The following IQSEC1 variants were observed in gnomAD, a reference collection of about 807,000 sequenced individuals.
IQSEC1 encodes IQ motif and SEC7 domain-containing protein 1.
Under a neutral mutation model 91.0 loss-of-function variants are expected in IQSEC1, and 31 were observed. That is an observed-to-expected ratio of 0.34 (90% CI 0.26 to 0.46). The LOEUF is 0.46. Among genes scored for constraint, IQSEC1 ranks in the 20% least tolerant of loss-of-function variants. The pLI is 1.00. For synonymous variants in IQSEC1, 699 were observed against 662.6 expected (o/e 1.05, Z -0.84); for missense variants, 1,388 against 1,575.6 (o/e 0.88, Z 2.02).
intron 2 of IQSEC1, among the ~76,000 whole-genome samples, chr3:13,160,640 G>A (rs1707158146): frequency 6.6e-6 from 1 of 152,260 alleles, no homozygotes; most frequent in Admixed American, 6.5e-5. Context: ...CACTGAGCAT[G>A]GGAGTGGTCC....
rs114623524 is a variant in IQSEC1, at chr3:13,018,862, G to A, written c.23+54130C>T. 8.3e-3 allele frequency among the ~76,000 whole-genome samples: 1,260 copies of A among 152,316 alleles called. 12 individuals carry two copies. The highest frequency in any genetic ancestry group is 0.014 in the Admixed American group (209 of 15,300). ...GAACGTCTCTAAGAGTCACGTCCAC[G>A]GTAGGAAGGGGCTGAGCCCAGTTTT... On this transcript the variant is annotated intron_variant, in intron 1 of 13. Transcript: ENST00000613206.
intron 1 of IQSEC1, among the ~76,000 whole-genome samples, chr3:13,181,729 C>T (rs370459539): frequency 1.3e-5 from 2 of 152,236 alleles, no homozygotes; most frequent in East Asian, 1.9e-4. Context: ...TACCCAGCAC[C>T]TAGCCCAGCA....
intron 1 of IQSEC1, among the ~76,000 whole-genome samples, chr3:12,966,473 G>A (rs1700574995): frequency 6.6e-6 from 1 of 152,186 alleles, no homozygotes; most frequent in South Asian, 2.1e-4. Flanking sequence ...AGGGCCTGCA[G>A]ATAGCTCAGG....
At chr3:12,987,845 C>T (rs1701815051) in intron 1 of IQSEC1, among the ~76,000 whole-genome samples, 2 of 152,230 alleles carry the variant, frequency 1.3e-5, no homozygotes, top group Non-Finnish European at 2.9e-5. Context: ...GATCCCCAAC[C>T]TCATCGGGGA....
chr3:13,067,398 G>A (rs1395956198), intron 1 of IQSEC1, among the ~76,000 whole-genome samples: 1 of 152,206 alleles, frequency 6.6e-6, no homozygotes, highest in Non-Finnish European at 1.5e-5. Flanking sequence ...AACTGGTCTG[G>A]TCCACAGGCA....
intron 1 of IQSEC1, among the ~76,000 whole-genome samples, chr3:13,245,369 A>G (rs1386081889): frequency 6.6e-6 from 1 of 152,234 alleles, no homozygotes; most frequent in Non-Finnish European, 1.5e-5. Context: ...TACTTCTGCC[A>G]CATTCTCCTG....
intron 1 of IQSEC1, among the ~76,000 whole-genome samples, chr3:13,237,375 C>T (rs1437112526): frequency 1.3e-5 from 2 of 152,236 alleles, no homozygotes; most frequent in African/African-American, 4.8e-5. Context: ...CCAAGCAACA[C>T]TGGCCTCCAC....
At chr3:12,910,851 G>A (rs1265989959) in intron 10 of IQSEC1, among the ~76,000 whole-genome samples, 1 of 152,184 alleles carries the variant, frequency 6.6e-6, no homozygotes, top group Non-Finnish European at 1.5e-5. Flanking sequence ...TACTGCTCAA[G>A]CACGGACACT....
In IQSEC1 at chr3:13,096,402, A is replaced by G. The variant is rs145300231; in HGVS notation, c.303-48880T>C. Among the ~76,000 whole-genome samples, 440 of 152,316 alleles carry G rather than the reference A, an allele frequency of 2.9e-3. 3 individuals carry two copies. In the South Asian group the frequency reaches 0.03, roughly 10 times the overall value. On this transcript the variant is annotated intron_variant, in intron 2 of 15. Coordinates refer to the IQSEC1 transcript ENST00000648114. ...TCATTCCTTTGCTTATTCACTCAAC[A>G]AAATTTACTCTGTCACCATACACTG... is the stretch of plus-strand genomic sequence containing the variant.
chr3:13,126,416 T>A (rs1706514132), intron 2 of IQSEC1, among the ~76,000 whole-genome samples: 1 of 152,230 alleles, frequency 6.6e-6, no homozygotes, highest in South Asian at 2.1e-4. Flanking sequence ...CGCTTATCCT[T>A]TAGCCCTTTG....
chr3:12,995,114 G>A (rs1441486096), intron 1 of IQSEC1: 1 of 152,264 alleles, frequency 6.6e-6, no homozygotes, highest in Admixed American at 6.5e-5. Flanking sequence ...GCGTCAGGTG[G>A]CGGGCTGCGA....
intron 1 of IQSEC1, among the ~76,000 whole-genome samples, chr3:12,984,612 G>C (rs1701632866): frequency 6.6e-6 from 1 of 151,984 alleles, no homozygotes. Flanking sequence ...ATGCATGCAC[G>C]ACCTGTAGCC....
At chr3:12,943,534 C>T (rs1220807314) in intron 1 of IQSEC1, among the ~76,000 whole-genome samples, 2 of 152,206 alleles carry the variant, frequency 1.3e-5, no homozygotes, top group Non-Finnish European at 2.9e-5. Flanking sequence ...CCCTCTGCTC[C>T]CACGGGCCGG....
intron 2 of IQSEC1, among the ~76,000 whole-genome samples, chr3:13,110,765 G>GA (rs1706231709): frequency 1.3e-5 from 2 of 152,210 alleles, no homozygotes; most frequent in African/African-American, 4.8e-5. Context: ...AGCTTCCCCA[G>GA]CCTCAGCCGC....
chr3:12,991,371 A>G (rs1438687065), intron 1 of IQSEC1, among the ~76,000 whole-genome samples: 2 of 152,236 alleles, frequency 1.3e-5, no homozygotes, highest in Non-Finnish European at 2.9e-5. Flanking sequence ...TGCTCCCACA[A>G]GCAGGTTTGC....
chr3:13,212,546 G>C (rs190458755), intron 1 of IQSEC1, among the ~76,000 whole-genome samples: 67 of 152,146 alleles, frequency 4.4e-4, no homozygotes, highest in Non-Finnish European at 7.8e-4. Flanking sequence ...TGGAATTGCC[G>C]GGTCACAGGG....
chr3:13,017,249 T>G (rs916573031), intron 1 of IQSEC1, among the ~76,000 whole-genome samples: 5 of 152,212 alleles, frequency 3.3e-5, no homozygotes, highest in African/African-American at 1.2e-4. Context: ...GAAGGCATCT[T>G]CATTTGTTTA....
In IQSEC1 at chr3:12,901,340, G is replaced by A. The variant is rs1216106096; in HGVS notation, c.2988C>T (p.His996=). Residue 996 remains histidine (H), a synonymous_variant, in exon 14 of 14, where the codon CAC becomes CAT. Coordinates refer to ENST00000613206, the MANE Select transcript of IQSEC1 (RefSeq NM_001134382.3). The stretch of plus-strand genomic sequence containing the variant: ...GCAAGTGAGGCAGGACCACCGGTGG[G>A]TGGGGGGGTGGCAGGGCTGGGGCTG... ...LPSAPALPPP[H]PPVVLPHLQH... The A allele has an allele frequency of 2.0e-6, 3 of 1,531,192 alleles. No individual in the cohort carries two copies. The highest frequency in any genetic ancestry group is 2.4e-5 in the South Asian group (2 of 83,736). 94.9% of individuals were successfully genotyped at this position (1,531,192 alleles called of 1,614,324 possible). A position where few individuals can be genotyped will look rare whatever the true frequency, so the allele number is the denominator to read the frequency against.
chr3:13,231,358 T>C (rs1230668718), intron 1 of IQSEC1, among the ~76,000 whole-genome samples: 1 of 152,250 alleles, frequency 6.6e-6, no homozygotes, highest in Non-Finnish European at 1.5e-5. Flanking sequence ...TGCTATAGAC[T>C]AGGTGGCTTA....
Sources: gnomAD v4.1 joint callset for allele counts (sites outside exome capture counted in the v4.1 genomes callset) on GRCh38, gnomAD v4.1.1 for gene constraint, MANE v1.5 for transcripts, NCBI Gene and HGNC (gene_info 2026-07-23, HGNC 2026-07-21) for gene names.